Variants in TUBGCP5 observed in about 807,000 individuals in gnomAD.
TUBGCP5 encodes tubulin gamma complex component 5, also known as gamma-tubulin complex component 5.
In TUBGCP5, 98 loss-of-function variants were observed where a neutral mutation model predicts 134.7. The observed-to-expected ratio is 0.73, with a 90% confidence interval of 0.62 to 0.86. The LOEUF is 0.86. TUBGCP5 is among the 40% of genes least tolerant of loss of function. The pLI is 0.00. For synonymous variants in TUBGCP5, 456 were observed against 431.4 expected (o/e 1.06, Z -0.71); for missense variants, 1,150 against 1,244.8 (o/e 0.92, Z 1.15).
chr15:23,000,543 G>A, intron 22 of TUBGCP5, 26 bp downstream of exon 22: 1 of 1,606,058 alleles, frequency 6.2e-7, no homozygotes, highest in Non-Finnish European at 8.5e-7. Flanking sequence ...TACAGAGGTA[G>A]AAATATTTTA....
chr15:23,025,697 G>A (rs1185986378), intron 8 of TUBGCP5, among the ~76,000 whole-genome samples: 1 of 152,036 alleles, frequency 6.6e-6, no homozygotes, highest in East Asian at 1.9e-4. Context: ...CGGGCTTGGT[G>A]GTGGGTTCCT....
chr15:23,039,523 C>T lies in TUBGCP5; in HGVS notation c.21G>A (p.Pro7=), dbSNP rs370649864. 2 of 1,491,004 alleles carry T rather than the reference C, an allele frequency of 1.3e-6. No homozygotes were observed. Among genetic ancestry groups the T allele is most frequent in the African/African-American group, 1.4e-5 (1 of 69,412 alleles). 92.4% of individuals were successfully genotyped at this position (1,491,004 alleles called of 1,614,324 possible). The stretch of plus-strand genomic sequence containing the variant: ...CCTGCTGCGCGTCCAACCGACTCCA[C>T]GGTGGCCCGTGCCGCGCCATGTTCC... MARHGP[P]WSRLDAQQER... is the part of the protein sequence containing the mutation. The change falls in exon 1 of 23, where the codon CCG becomes CCA. Residue 7 remains proline (P), a synonymous_variant. Coordinates refer to ENST00000615383, the MANE Select transcript of TUBGCP5 (RefSeq NM_052903.6).
rs2066664918 is a variant in TUBGCP5, at chr15:23,037,517, A to G, written c.147-365T>C. ...AGCCTAAGGACCCCTTCTCTGAATA[A>G]CATTTTTAAAGCCAAAAAATAAATA... is the stretch of plus-strand genomic sequence containing the variant. On this transcript the variant is annotated intron_variant, in intron 1 of 22. Transcript: ENST00000615383. 2.6e-5 allele frequency among the ~76,000 whole-genome samples: 4 copies of G among 152,174 alleles called. No individual in the cohort carries two copies. The South Asian group carries it at 8.3e-4, about 32-fold the overall frequency.
At position 23,037,137 on chromosome 15, in the gene TUBGCP5, C is replaced by A. The variant is rs1444576972; in HGVS notation, c.162G>T (p.Leu54Phe). 6.2e-7 allele frequency: 1 copy of A among 1,613,412 alleles called. No individual in the cohort carries two copies. Among genetic ancestry groups the A allele is most frequent in the Non-Finnish European group, 8.5e-7 (1 of 1,179,962 alleles). ...AWSNFRFHRF[L>F]DVNSHKIEKT... ...TTTCTATTTTGTGGCTGTTGACATC[C>A]AAGAAACGATGAAATCTATTAAAGA... is the stretch of plus-strand genomic sequence containing the variant. Residue 54 changes from leucine (L) to phenylalanine (F), a missense_variant, in exon 2 of 23, where the codon TTG (leucine) becomes TTT (phenylalanine). This residue lies in a region of TUBGCP5 where 453 missense variants were observed against 394.7 expected (regional missense o/e 1.15). Transcript: ENST00000615383.
intron 1 of TUBGCP5, among the ~76,000 whole-genome samples, chr15:23,037,400 TG>T (rs2066655839): frequency 6.6e-6 from 1 of 152,164 alleles, no homozygotes; most frequent in Non-Finnish European, 1.5e-5. Context: ...CTGGCTCCTC[TG>T]TCTTCCCATA....
At chr15:22,999,057 G>T (rs1595808150), downstream of TUBGCP5, 1 of 152,142 alleles carries the variant, frequency 6.6e-6, no homozygotes, top group East Asian at 1.9e-4. Flanking sequence ...ACTACACCCA[G>T]CCAAAATATA....
chr15:23,006,249 AAGG>A lies in TUBGCP5; in HGVS notation c.2412+16_2412+18del, dbSNP rs763844480. 1 of 1,608,718 alleles carries A rather than the reference AAGG, an allele frequency of 6.2e-7. No individual in the cohort carries two copies. Among genetic ancestry groups the A allele is most frequent in the Admixed American group, 1.7e-5 (1 of 58,544 alleles). ...TGTTAGCAGAAAACACGGTTCATAC[AAGG>A]AATATCAGCATATACCTTGTAGCTG... On this transcript the variant is annotated intron_variant, in intron 17 of 22. Coordinates refer to ENST00000615383, the MANE Select transcript of TUBGCP5 (RefSeq NM_052903.6).
At chr15:22,992,359 A>G (rs1469839731) in intron 23 of TUBGCP5, among the ~76,000 whole-genome samples, 1 of 152,162 alleles carries the variant, frequency 6.6e-6, no homozygotes, top group Non-Finnish European at 1.5e-5. Context: ...CGTCGGATGC[A>G]GACAACAGGC....
chr15:23,022,220 G>T (rs1165819169), intron 10 of TUBGCP5, 59 bp from the exon 11 acceptor site: 6 of 1,556,904 alleles, frequency 3.9e-6, no homozygotes, highest in African/African-American at 1.4e-5. Flanking sequence ...TCTAAAATGT[G>T]ACATAAATGC....
chr15:23,033,702 C>T (rs1229509135), intron 3 of TUBGCP5, among the ~76,000 whole-genome samples: 1 of 152,150 alleles, frequency 6.6e-6, no homozygotes, highest in Non-Finnish European at 1.5e-5. Flanking sequence ...ACAGGTAATA[C>T]AAATATACAT....
chr15:23,038,774 A>G (rs969292784), intron 1 of TUBGCP5, among the ~76,000 whole-genome samples: 1 of 152,186 alleles, frequency 6.6e-6, no homozygotes, highest in African/African-American at 2.4e-5. Context: ...CTTTACGTAA[A>G]TATCTAAATT....
At chr15:23,035,658 C>T (rs2066549523) in intron 3 of TUBGCP5, among the ~76,000 whole-genome samples, 1 of 152,134 alleles carries the variant, frequency 6.6e-6, no homozygotes, top group South Asian at 2.1e-4. Context: ...GAGCCCTGTT[C>T]CTAGCAGGCA....
At chr15:22,988,723 G>C (rs1397613805) in intron 23 of TUBGCP5, among the ~76,000 whole-genome samples, 7 of 127,736 alleles carry the variant, frequency 5.5e-5, no homozygotes, top group East Asian at 2.4e-4. Context: ...ACGACAGAGC[G>C]AGACTCCGTC....
intron 1 of TUBGCP5, among the ~76,000 whole-genome samples, chr15:23,038,056 G>A (rs746218165): frequency 7.2e-5 from 11 of 152,110 alleles, no homozygotes; most frequent in Admixed American, 1.3e-4. Flanking sequence ...GAGCCACCGC[G>A]CCCAGTCCAC....
intron 1 of TUBGCP5, among the ~76,000 whole-genome samples, 169 bp downstream of exon 1, chr15:23,039,229 C>G (rs1471850975): frequency 1.3e-5 from 2 of 151,846 alleles, no homozygotes; most frequent in Admixed American, 1.3e-4. Flanking sequence ...GCGCCGAGAG[C>G]GCTGGCCGGC....
chr15:23,031,343 C>G (rs1325329835), intron 5 of TUBGCP5, among the ~76,000 whole-genome samples: 1 of 150,378 alleles, frequency 6.6e-6, no homozygotes, highest in Non-Finnish European at 1.5e-5. Flanking sequence ...GAGACAGAGT[C>G]TCTCGCTTTG....
rs1282645632 is a variant in TUBGCP5 at position 23,024,795 on chromosome 15, T to C, written c.863A>G (p.Gln288Arg). ...LSGVKKLFIF[Q>R]LIDGKVTVRN... ...CACAGTTACCTTCCCATCTATCAACTGAAATATAAAGAGCTTTTTCACTCC... is the reference window on the plus strand; with the variant it reads ...CACAGTTACCTTCCCATCTATCAACCGAAATATAAAGAGCTTTTTCACTCC... Residue 288 changes from glutamine (Q) to arginine (R), a missense_variant, in exon 9 of 23, where the codon CAG becomes CGG. This residue lies in a region of TUBGCP5 where 453 missense variants were observed against 394.7 expected (regional missense o/e 1.15). Coordinates refer to ENST00000615383, the MANE Select transcript of TUBGCP5 (RefSeq NM_052903.6). The C allele has an allele frequency of 1.3e-6, 2 of 1,597,722 alleles. No homozygotes were observed. Among genetic ancestry groups the C allele is most frequent in the African/African-American group, 2.7e-5 (2 of 74,276 alleles).
chr15:22,997,732 C>T (rs1169679590), downstream of TUBGCP5, among the ~76,000 whole-genome samples: 1 of 151,810 alleles, frequency 6.6e-6, no homozygotes, highest in East Asian at 2.0e-4. Context: ...ATTCTCTGGC[C>T]TCAGCCTCCT....
At position 23,017,857 on chromosome 15, in the gene TUBGCP5, G is replaced by A. The variant is rs1210625875; in HGVS notation, c.1672C>T (p.Gln558Ter). The A allele has an allele frequency of 6.2e-7, 1 of 1,614,094 alleles. No homozygotes were observed. Among genetic ancestry groups the A allele is most frequent in the Admixed American group, 1.7e-5 (1 of 60,018 alleles). ...MVSFLKPVLK[Q>*]IIMAGKSMQL... ...ATCGACTTGCCAGCCATTATGATCT[G>A]CTTCAGGACAGGTTTGAGGAAGGAC... The change falls in exon 13 of 23, where the codon CAG becomes TAG. Residue 558 changes from glutamine (Q) to a stop codon, truncating the protein, a stop_gained. Transcript: ENST00000615383. LOFTEE classifies it high-confidence loss of function.
Sources: allele counts gnomAD v4.1 joint callset (sites outside exome capture counted in the v4.1 genomes callset), GRCh38; gene constraint gnomAD v4.1.1; regional missense constraint gnomAD v4.1.1; transcripts MANE v1.5; gene names NCBI Gene and HGNC (gene_info 2026-07-23, HGNC 2026-07-21).